The following CHST11 variants were observed in gnomAD, a reference collection of about 807,000 sequenced individuals.
CHST11 encodes C4S-1.
Under a neutral mutation model 30.4 loss-of-function variants are expected in CHST11, and 9 were observed. That is an observed-to-expected ratio of 0.30 (90% CI 0.18 to 0.52). The LOEUF (loss-of-function observed/expected upper bound fraction) is 0.52. CHST11 is among the 20% of genes least tolerant of loss of function. The pLI is 0.97. For synonymous variants in CHST11, 152 were observed against 187.8 expected (o/e 0.81, Z 1.56); for missense variants, 348 against 460.6 (o/e 0.76, Z 2.24).
At position 104,641,277 on chromosome 12, in the gene CHST11, G is replaced by A. The variant is rs189007204; in HGVS notation, c.204+39286G>A. On this transcript the variant is annotated intron_variant, in intron 2 of 2. Coordinates refer to ENST00000303694, the MANE Select transcript of CHST11 (RefSeq NM_018413.6). ...GTGCCACAAATGTGAATGCAAAAGG[G>A]TGTCTGTCACATGGACCATCCACTG... Among the ~76,000 whole-genome samples the A allele has an allele frequency of 6.6e-5, 10 of 152,304 alleles. No individual in the cohort carries two copies. In the East Asian group the frequency reaches 1.9e-3, roughly 29 times the overall value.
chr12:104,486,864 G>A (rs75230307), intron 1 of CHST11, among the ~76,000 whole-genome samples: 11 of 152,238 alleles, frequency 7.2e-5, no homozygotes, highest in African/African-American at 2.6e-4. Context: ...AACGAAGGGG[G>A]GCATACTAGC....
chr12:104,491,348 T>C (rs2037743697), intron 1 of CHST11, among the ~76,000 whole-genome samples: 1 of 152,210 alleles, frequency 6.6e-6, no homozygotes, highest in African/African-American at 2.4e-5. Context: ...GTAAAATCTA[T>C]ATAATAAAAG....
chr12:104,589,370 C>T (rs1030049797), intron 1 of CHST11, among the ~76,000 whole-genome samples: 4 of 147,774 alleles, frequency 2.7e-5, no homozygotes, highest in Admixed American at 1.4e-4. Context: ...CACTGCACTC[C>T]AGCCTGAGTG....
At chr12:104,735,019 C>T (rs1212339241) in intron 2 of CHST11, among the ~76,000 whole-genome samples, 1 of 152,192 alleles carries the variant, frequency 6.6e-6, no homozygotes, top group African/African-American at 2.4e-5. Context: ...TTTTGAGCTC[C>T]TGCTCTGGGG....
intron 2 of CHST11, among the ~76,000 whole-genome samples, chr12:104,706,042 C>T (rs373469668): frequency 1.3e-4 from 20 of 152,058 alleles, no homozygotes; most frequent in African/African-American, 4.1e-4. Flanking sequence ...GCTGTGATTG[C>T]ACCACTGCAC....
intron 2 of CHST11, among the ~76,000 whole-genome samples, chr12:104,675,683 C>T (rs1047639311): frequency 2.0e-5 from 3 of 152,174 alleles, no homozygotes; most frequent in African/African-American, 4.8e-5. Context: ...CGTACTTAAG[C>T]AAATTACTTC....
intron 1 of CHST11, among the ~76,000 whole-genome samples, chr12:104,595,417 C>A (rs1370426587): frequency 6.6e-6 from 1 of 152,152 alleles, no homozygotes; most frequent in Non-Finnish European, 1.5e-5. Flanking sequence ...CTGCTCCCCA[C>A]CCACCACACC....
At chr12:104,546,138 T>C (rs2038346430) in intron 1 of CHST11, among the ~76,000 whole-genome samples, 1 of 152,156 alleles carries the variant, frequency 6.6e-6, no homozygotes, top group African/African-American at 2.4e-5. Flanking sequence ...CCATTTTTTT[T>C]TCTTTTTATT....
intron 2 of CHST11, among the ~76,000 whole-genome samples, chr12:104,633,220 A>G (rs2039288786): frequency 6.6e-6 from 1 of 152,240 alleles, no homozygotes; most frequent in African/African-American, 2.4e-5. Context: ...AGGCTGGCTC[A>G]TAATTCTTCC....
At chr12:104,660,476 A>G (rs982525157) in intron 2 of CHST11, among the ~76,000 whole-genome samples, 2 of 152,214 alleles carry the variant, frequency 1.3e-5, no homozygotes, top group African/African-American at 4.8e-5. Context: ...TATTTTCAGC[A>G]CATTAGAGAA....
intron 1 of CHST11, among the ~76,000 whole-genome samples, chr12:104,560,154 G>C (rs2038499445): frequency 6.6e-6 from 1 of 152,176 alleles, no homozygotes; most frequent in South Asian, 2.1e-4. Flanking sequence ...AGGCAGGCAA[G>C]GGTTAGATTA....
At chr12:104,587,756 G>GATTT (rs71829896) in intron 1 of CHST11, among the ~76,000 whole-genome samples, 9 of 147,704 alleles carry the variant, frequency 6.1e-5, no homozygotes, top group African/African-American at 7.5e-5. Flanking sequence ...TGAATCTTAA[G>GATTT]ATTTATTTAT....
chr12:104,471,254 T>A (rs1382330478), intron 1 of CHST11, among the ~76,000 whole-genome samples: 31 of 152,200 alleles, frequency 2.0e-4, no homozygotes, highest in Admixed American at 2.0e-3. Context: ...TAGCACAATA[T>A]CCCAACATCT....
chr12:104,717,889 G>GAACC (rs2040143915), intron 2 of CHST11, among the ~76,000 whole-genome samples: 1 of 152,134 alleles, frequency 6.6e-6, no homozygotes, highest in African/African-American at 2.4e-5. Context: ...GGCATAGGTT[G>GAACC]CAGTGAGCCA....
At chr12:104,592,845 G>T (rs2038873899) in intron 1 of CHST11, among the ~76,000 whole-genome samples, 1 of 152,178 alleles carries the variant, frequency 6.6e-6, no homozygotes, top group Non-Finnish European at 1.5e-5. Context: ...CATGCTGTCT[G>T]GGCATGTTTC....
At chr12:104,684,561 T>G (rs746585853) in intron 2 of CHST11, among the ~76,000 whole-genome samples, 65 of 151,910 alleles carry the variant, frequency 4.3e-4, no homozygotes, top group Non-Finnish European at 7.2e-4. Context: ...GGTTTGGTTT[T>G]GTTAGAGACG....
intron 1 of CHST11, among the ~76,000 whole-genome samples, chr12:104,492,750 G>A (rs1053616195): frequency 6.6e-6 from 1 of 152,206 alleles, no homozygotes; most frequent in African/African-American, 2.4e-5. Flanking sequence ...AATCCAGGAT[G>A]TGTCCGGGTG....
chr12:104,554,694 T>C (rs2038437887), intron 1 of CHST11, among the ~76,000 whole-genome samples: 2 of 152,182 alleles, frequency 1.3e-5, no homozygotes, highest in African/African-American at 4.8e-5. Flanking sequence ...ATCTGTGCAA[T>C]ACTGAGATTT....
intron 1 of CHST11, among the ~76,000 whole-genome samples, chr12:104,475,670 A>T (rs1307002476): frequency 1.4e-5 from 1 of 72,086 alleles, no homozygotes; most frequent in Non-Finnish European, 2.7e-5. Flanking sequence ...ATATATATAT[A>T]TATATATATA....
Sources: allele counts gnomAD v4.1 joint callset (sites outside exome capture counted in the v4.1 genomes callset), GRCh38; gene constraint gnomAD v4.1.1; transcripts MANE v1.5; gene names NCBI Gene and HGNC (gene_info 2026-07-23, HGNC 2026-07-21).